ERFL: variants seen among roughly 807,000 people sequenced by gnomAD.
ERFL encodes ETS repressor factor like.
ERFL carries 8 observed loss-of-function variants against 27.9 expected under a neutral mutation model. The observed-to-expected ratio is 0.29, with a 90% confidence interval of 0.17 to 0.52. ERFL has a LOEUF of 0.52. ERFL is among the 20% of genes least tolerant of loss of function. The pLI is 0.97. For synonymous variants in ERFL, 174 were observed against 202.8 expected, an observed-to-expected ratio of 0.86 and a Z score of 1.21; for missense variants, 294 against 444.4, an observed-to-expected ratio of 0.66 and a Z score of 3.04.
At chr19:41,924,494 G>A (rs559658487) in intron 1 of ERFL, among the ~76,000 whole-genome samples, 4 of 152,112 alleles carry the variant, frequency 2.6e-5, no homozygotes, top group East Asian at 3.9e-4. Flanking sequence ...CTTAGTAATC[G>A]GGAGCTGTCA....
rs78460313 is a variant in ERFL, at chr19:41,921,484, A to G, written c.-14+6556T>C. Among the ~76,000 whole-genome samples, 1,076 of 152,154 alleles carry G rather than the reference A, an allele frequency of 7.1e-3. 15 individuals carry two copies. The highest frequency in any genetic ancestry group is 0.025 in the African/African-American group (1,037 of 41,526). On this transcript the variant is annotated intron_variant, in intron 1 of 5. Transcript: ENST00000597630. This position sits in a 1 kb window ranked among gnomAD's most constrained non-coding sequence, Gnocchi z 4.4. ...CAGACTGGGAGCCACATGCACACGCAGAGAGAAGAGAGAGACAGAGACAGA... is the reference window on the plus strand; with the variant it reads ...CAGACTGGGAGCCACATGCACACGCGGAGAGAAGAGAGAGACAGAGACAGA...
rs1555852465 is a variant in ERFL, at chr19:41,921,320, G to A, written c.-14+6720C>T. On this transcript the variant is annotated intron_variant, in intron 1 of 5. Coordinates refer to ENST00000597630, the MANE Select transcript of ERFL (RefSeq NM_001365103.2). This position sits in a 1 kb window ranked among gnomAD's most constrained non-coding sequence, Gnocchi z 4.4. ...ACCGAGGGGGTGGAGCGTGATACAT[G>A]GAGAACTGAGAGGAAGCAGGAGTGA... is the stretch of plus-strand genomic sequence containing the variant. Among the ~76,000 whole-genome samples the A allele has an allele frequency of 1.3e-5, 2 of 152,132 alleles. No individual in the cohort carries two copies. Among genetic ancestry groups the A allele is most frequent in the African/African-American group, 4.8e-5 (2 of 41,402 alleles).
intron 1 of ERFL, among the ~76,000 whole-genome samples, chr19:41,913,442 C>T (rs1238638517): frequency 6.6e-6 from 1 of 151,890 alleles, no homozygotes; most frequent in Non-Finnish European, 1.5e-5. Context: ...CCCGCCCCAC[C>T]CGGACGACCC....
Position 41,921,298 on chromosome 19 carries a change from G to A in ERFL, c.-14+6742C>T, listed in dbSNP as rs989857424. ...AGACATGCAGGGAGGAAGAGAGACC[G>A]AGGGGGTGGAGCGTGATACATGGAG... On this transcript the variant is annotated intron_variant, in intron 1 of 5. Transcript: ENST00000597630. This position sits in a 1 kb window ranked among gnomAD's most constrained non-coding sequence, Gnocchi z 4.4. Among the ~76,000 whole-genome samples, 23 of 152,138 alleles carry A rather than the reference G, an allele frequency of 1.5e-4. No homozygotes were observed. The highest frequency in any genetic ancestry group is 5.3e-4 in the African/African-American group (22 of 41,422).
intron 1 of ERFL, among the ~76,000 whole-genome samples, chr19:41,926,216 G>A (rs144435988): frequency 2.0e-5 from 3 of 151,532 alleles, no homozygotes; most frequent in South Asian, 2.1e-4. Context: ...AAGAGGGGAC[G>A]TATGCTCCCC....
In ERFL at chr19:41,908,321, G is replaced by A. The variant is rs1599669850; in HGVS notation, c.972C>T (p.Thr324=). Residue 324 remains threonine (T), a synonymous_variant, in exon 6 of 6, where the codon ACC becomes ACT. Coordinates refer to ENST00000597630, the MANE Select transcript of ERFL (RefSeq NM_001365103.2). This position sits in a 1 kb window ranked among gnomAD's most constrained non-coding sequence, Gnocchi z 6.7. ...KEDSDSELEI[T]DVSGCSSDSE... ...TGTCAGAGCTGCAGCCGCTGACGTC[G>A]GTGATCTCCAGCTCCGAGTCGCTGT... is the stretch of plus-strand genomic sequence containing the variant. 12 of 1,231,478 alleles carry A rather than the reference G, an allele frequency of 9.7e-6. 1 individual carries two copies. In the South Asian group the frequency reaches 3.3e-4, roughly 34 times the overall value. 76.3% of individuals were successfully genotyped at this position (1,231,478 alleles called of 1,614,324 possible).
rs941851472 is a variant in ERFL, at chr19:41,907,800, G to C, written c.*428C>G. On this transcript the variant is annotated 3_prime_UTR_variant, in exon 6 of 6. Transcript: ENST00000597630. ...GGGGAGGGGGGCCCCTCCTGGGTGG[G>C]GGCTGGGGGCGGGGTTATTGCTCTG... is the stretch of plus-strand genomic sequence containing the variant. The C allele has an allele frequency of 5.2e-5, 10 of 192,736 alleles. No individual in the cohort carries two copies. Among genetic ancestry groups the C allele is most frequent in the Non-Finnish European group, 9.4e-5 (9 of 95,532 alleles). The allele number at this position is 192,736 out of a possible 1,614,324, so 11.9% of individuals were successfully genotyped here. A position where few individuals can be genotyped will look rare whatever the true frequency, so the allele number is the denominator to read the frequency against.
At chr19:41,914,369 GTC>G (rs1355716337) in intron 1 of ERFL, among the ~76,000 whole-genome samples, 1 of 148,564 alleles carries the variant, frequency 6.7e-6, no homozygotes, top group Non-Finnish European at 1.5e-5. Context: ...CACCAAGGGG[GTC>G]TCTCTCCCCA....
chr19:41,909,257 C>T lies in ERFL; in HGVS notation c.498+19G>A. The T allele has an allele frequency of 8.1e-7, 1 of 1,232,372 alleles. No homozygotes were observed. The highest frequency in any genetic ancestry group is 1.0e-6 in the Non-Finnish European group (1 of 988,482). 76.3% of individuals were successfully genotyped at this position (1,232,372 alleles called of 1,614,324 possible). On this transcript the variant is annotated intron_variant, in intron 4 of 5. Coordinates refer to ENST00000597630, the MANE Select transcript of ERFL (RefSeq NM_001365103.2). The surrounding 1 kb of genome is among the most constrained non-coding windows in gnomAD (Gnocchi z 5.2). ...GGCACCAAGTGCCTCGGTTCCAGGA[C>T]CCCAGTACCCAGACTCACCTCAGGG...
intron 2 of ERFL, among the ~76,000 whole-genome samples, chr19:41,911,558 G>T (rs1209743871): frequency 1.3e-5 from 2 of 151,862 alleles, no homozygotes; most frequent in Admixed American, 1.3e-4. Flanking sequence ...GTGGGTGCTT[G>T]TGCCTCCCGG....
intron 1 of ERFL, among the ~76,000 whole-genome samples, chr19:41,926,057 G>C (rs1555853243): frequency 6.6e-6 from 1 of 152,068 alleles, no homozygotes; most frequent in African/African-American, 2.4e-5. Flanking sequence ...AATGTGTGAG[G>C]AACAGGTGAG....
At chr19:41,918,913 CCACA>C (rs1172824486) in intron 1 of ERFL, among the ~76,000 whole-genome samples, 1 of 150,770 alleles carries the variant, frequency 6.6e-6, no homozygotes, top group Non-Finnish European at 1.5e-5. Flanking sequence ...CACACATACA[CCACA>C]CACACATGCA....
At position 41,928,074 on chromosome 19, in the gene ERFL, A is replaced by C. The variant is rs2074882700; in HGVS notation, c.-48T>G. 6.6e-6 allele frequency: 1 copy of C among 151,742 alleles called. No homozygotes were observed. The highest frequency in any genetic ancestry group is 2.4e-5 in the African/African-American group (1 of 41,306). The allele number at this position is 151,742 out of a possible 1,614,324, so 9.4% of individuals were successfully genotyped here. On this transcript the variant is annotated 5_prime_UTR_variant, in exon 1 of 6. Coordinates refer to ENST00000597630, the MANE Select transcript of ERFL (RefSeq NM_001365103.2). ...TTTTCGCATCCGCTCCGGTCCGGGG[A>C]GAAGTGTTTAAAGTTCGGATCCCGC...
At chr19:41,915,648 G>A (rs2074796254) in intron 1 of ERFL, among the ~76,000 whole-genome samples, 1 of 151,560 alleles carries the variant, frequency 6.6e-6, no homozygotes, top group African/African-American at 2.4e-5. Flanking sequence ...CTGTCTCCAT[G>A]CCCCATCTCC....
intron 1 of ERFL, among the ~76,000 whole-genome samples, chr19:41,926,889 A>G (rs543849446): frequency 6.6e-6 from 1 of 152,278 alleles, no homozygotes; most frequent in Non-Finnish European, 1.5e-5. Context: ...AGGGGGAGAC[A>G]GAGACAGAGA....
chr19:41,922,098 G>GTGGTGTA (rs2074845698), intron 1 of ERFL, among the ~76,000 whole-genome samples: 1 of 152,098 alleles, frequency 6.6e-6, no homozygotes, highest in Non-Finnish European at 1.5e-5. Flanking sequence ...AGGGGCGGGG[G>GTGGTGTA]CAGAGAGCTG....
intron 1 of ERFL, chr19:41,923,367 C>T: frequency 2.9e-6 from 1 of 349,942 alleles, no homozygotes. Context: ...GAGAGAGAGT[C>T]AGAGAGCTGT....
At chr19:41,925,504 G>A (rs528208860) in intron 1 of ERFL, among the ~76,000 whole-genome samples, 10 of 152,242 alleles carry the variant, frequency 6.6e-5, no homozygotes, top group Admixed American at 2.0e-4. Context: ...GTGCAAGAAG[G>A]AGTGAGACAC....
At position 41,908,298 on chromosome 19, in the gene ERFL, T is replaced by G; in HGVS notation, c.995A>C (p.Asp332Ala). Residue 332 changes from aspartate (D) to alanine (A), a missense_variant, in exon 6 of 6, where the codon GAC becomes GCC. By Grantham distance (126) the Asp-to-Ala change is moderately radical. Around this residue, in one of 3 missense-constraint regions of ERFL, gnomAD observed 246 missense variants for 371.4 expected, o/e 0.66. Transcript: ENST00000597630. This position sits in a 1 kb window ranked among gnomAD's most constrained non-coding sequence, Gnocchi z 6.7. Reference sequence around the variant, plus strand: ...CGGGAGACCCTCATCGCCCTCGCTGTCAGAGCTGCAGCCGCTGACGTCGGT... The same window carrying G: ...CGGGAGACCCTCATCGCCCTCGCTGGCAGAGCTGCAGCCGCTGACGTCGGT... ...EITDVSGCSS[D>A]SEGDEGLPAP... 1 of 1,231,532 alleles carries G rather than the reference T, an allele frequency of 8.1e-7. No individual in the cohort carries two copies. Among genetic ancestry groups the G allele is most frequent in the Non-Finnish European group, 1.0e-6 (1 of 987,852 alleles). The allele number at this position is 1,231,532 out of a possible 1,614,324, so 76.3% of individuals were successfully genotyped here.
Sources: allele counts gnomAD v4.1 joint callset (sites outside exome capture counted in the v4.1 genomes callset), GRCh38; gene constraint gnomAD v4.1.1; regional missense constraint gnomAD v4.1.1; non-coding constraint Gnocchi (gnomAD v3.1); transcripts MANE v1.5; gene names NCBI Gene and HGNC (gene_info 2026-07-23, HGNC 2026-07-21).